The following DDX60L variants were observed in gnomAD, a reference collection of about 807,000 sequenced individuals.
DDX60L encodes DExD/H-box 60 like, also known as probable ATP-dependent RNA helicase DDX60-like.
DDX60L carries 191 observed loss-of-function variants against 211.6 expected under a neutral mutation model. The observed-to-expected ratio is 0.90, with a 90% CI of 0.80 to 1.02. DDX60L has a LOEUF of 1.02. DDX60L is among the 50% of genes least tolerant of loss of function. DDX60L has a pLI of 0.00. For missense variants in DDX60L, 2,007 were observed against 1,984.1 expected (o/e 1.01, Z -0.22); for synonymous variants, 706 against 694.1 (o/e 1.02, Z -0.27).
chr4:168,365,332 G>T (rs1739787486), intron 36 of DDX60L, among the ~76,000 whole-genome samples: 1 of 151,872 alleles, frequency 6.6e-6, no homozygotes, highest in African/African-American at 2.4e-5. Flanking sequence ...ATATTAAAAA[G>T]GAGACATTAC....
Position 168,367,650 on chromosome 4 carries a change from A to G in DDX60L, c.4928+3962T>C, listed in dbSNP as rs563289340. On this transcript the variant is annotated intron_variant, in intron 36 of 37. Transcript: ENST00000682922. ...GAGGTTGAAACAGTTTGGAAAGCTC[A>G]GAAGAAGATAGGAAAACGTGGGAAA... 4.6e-5 allele frequency among the ~76,000 whole-genome samples: 7 copies of G among 152,346 alleles called. No individual in the cohort carries two copies. In the South Asian group the frequency reaches 1.4e-3, roughly 32 times the overall value.
At chr4:168,411,818 A>C (rs2149821325) in intron 22 of DDX60L, among the ~76,000 whole-genome samples, 1 of 152,188 alleles carries the variant, frequency 6.6e-6, no homozygotes. Context: ...TGCAGCTCGC[A>C]GCTCTGAGCA....
At chr4:168,470,544 T>TACAACA (rs1180578990) in intron 4 of DDX60L, 1 of 152,168 alleles carries the variant, frequency 6.6e-6, no homozygotes, top group East Asian at 1.9e-4. Flanking sequence ...AATGAAAGGT[T>TACAACA]TATACAAAGA....
chr4:168,439,209 T>C (rs1753481581), intron 10 of DDX60L, among the ~76,000 whole-genome samples: 1 of 152,196 alleles, frequency 6.6e-6, no homozygotes, highest in African/African-American at 2.4e-5. Context: ...CATCAGACTA[T>C]AGTTCCCTAG....
chr4:168,480,346 A>G (rs987137058), intron 1 of DDX60L, 31 bp downstream of exon 1: 1 of 152,286 alleles, frequency 6.6e-6, no homozygotes, highest in African/African-American at 2.4e-5. Flanking sequence ...CAGGGTCCCT[A>G]GCGACACCCG....
chr4:168,454,758 CTTTTT>C (rs767461447), intron 7 of DDX60L, among the ~76,000 whole-genome samples: 4 of 88,634 alleles, frequency 4.5e-5, no homozygotes, highest in East Asian at 3.7e-4. Context: ...AAACAGCTTC[CTTTTT>C]TTTTTTTTTT....
chr4:168,361,552 T>G (rs1256178317), intron 36 of DDX60L: 1 of 165,360 alleles, frequency 6.0e-6, no homozygotes, highest in Non-Finnish European at 1.3e-5. Flanking sequence ...TTAGTTCTAT[T>G]TCTACTTTCT....
At chr4:168,368,996 A>C (rs886361878) in intron 36 of DDX60L, among the ~76,000 whole-genome samples, 3 of 152,180 alleles carry the variant, frequency 2.0e-5, no homozygotes, top group African/African-American at 4.8e-5. Flanking sequence ...TGTATCAGAT[A>C]AGACATTGTA....
intron 29 of DDX60L, among the ~76,000 whole-genome samples, chr4:168,386,566 T>C (rs1420890541): frequency 1.5e-5 from 2 of 129,890 alleles, no homozygotes; most frequent in Non-Finnish European, 3.3e-5. Flanking sequence ...GGACTTCTAA[T>C]ATGATGTTGA....
chr4:168,420,677 ATAG>A (rs1750446382), intron 17 of DDX60L, among the ~76,000 whole-genome samples: 1 of 142,806 alleles, frequency 7.0e-6, no homozygotes, highest in Non-Finnish European at 1.5e-5. Flanking sequence ...AGATAGATAG[ATAG>A]ATAGACAGAC....
intron 4 of DDX60L, among the ~76,000 whole-genome samples, chr4:168,463,440 G>A (rs1024308765): frequency 9.4e-4 from 143 of 152,208 alleles, no homozygotes; most frequent in African/African-American, 3.3e-3. Context: ...ATTGGAGGGC[G>A]GAGGGTGGAG....
chr4:168,408,415 A>T (rs949450278), intron 22 of DDX60L, among the ~76,000 whole-genome samples: 1 of 152,158 alleles, frequency 6.6e-6, no homozygotes, highest in African/African-American at 2.4e-5. Flanking sequence ...CACTTTGTCA[A>T]CTGTATCACT....
At chr4:168,399,279 G>GC (rs34538021) in intron 26 of DDX60L, among the ~76,000 whole-genome samples, 99,963 of 152,080 alleles carry the variant, frequency 0.66, 33,478 homozygotes, top group East Asian at 0.75. Flanking sequence ...CCTTCAGGGA[G>GC]CCAGACCTAG....
At chr4:168,429,056 C>G (rs1452221841) in intron 13 of DDX60L, among the ~76,000 whole-genome samples, 5 of 151,982 alleles carry the variant, frequency 3.3e-5, no homozygotes, top group Non-Finnish European at 7.4e-5. Flanking sequence ...CAAATTCAGG[C>G]AAAATAATGA....
chr4:168,447,583 A>T (rs13132670), intron 9 of DDX60L, among the ~76,000 whole-genome samples: 2 of 151,648 alleles, frequency 1.3e-5, no homozygotes, highest in Admixed American at 6.6e-5. Flanking sequence ...ATATGCACAC[A>T]TTATTGTGGC....
At chr4:168,467,933 G>A (rs1561135548) in intron 4 of DDX60L, among the ~76,000 whole-genome samples, 1 of 152,198 alleles carries the variant, frequency 6.6e-6, no homozygotes, top group African/African-American at 2.4e-5. Context: ...TTGGGAGGCT[G>A]AAGCAGGCAG....
chr4:168,391,805 T>G (rs1744884466), intron 28 of DDX60L, among the ~76,000 whole-genome samples, 161 bp from the exon 29 acceptor site: 1 of 152,250 alleles, frequency 6.6e-6, no homozygotes, highest in African/African-American at 2.4e-5. Context: ...AACTGCCTGA[T>G]TATTCAAAGA....
At chr4:168,406,943 C>T (rs1483917978) in intron 22 of DDX60L, among the ~76,000 whole-genome samples, 1 of 152,128 alleles carries the variant, frequency 6.6e-6, no homozygotes, top group Non-Finnish European at 1.5e-5. Context: ...AGTTTCAGTA[C>T]TATTTCCTGA....
chr4:168,474,035 T>TG (rs1759163423), intron 1 of DDX60L, among the ~76,000 whole-genome samples: 1 of 152,138 alleles, frequency 6.6e-6, no homozygotes, highest in African/African-American at 2.4e-5. Flanking sequence ...GCGCTGCACT[T>TG]GGGGGTGGGA....
Sources: gnomAD v4.1 joint callset for allele counts (sites outside exome capture counted in the v4.1 genomes callset) on GRCh38, gnomAD v4.1.1 for gene constraint, MANE v1.5 for transcripts, NCBI Gene and HGNC (gene_info 2026-07-23, HGNC 2026-07-21) for gene names.